The following CROCC2 variants were observed in gnomAD, a reference collection of about 807,000 sequenced individuals.
CROCC2 encodes the protein ciliary rootlet coiled-coil protein 2.
CROCC2 carries 163 observed loss-of-function variants against 177.6 expected under a neutral mutation model. That is an observed-to-expected ratio of 0.92 (90% CI 0.81 to 1.05). The LOEUF is 1.05. Ranked by LOEUF, CROCC2 falls within the 50% of genes least tolerant of loss-of-function variation. CROCC2 has a pLI of 0.00. For missense variants in CROCC2, 1,929 were observed against 1,797.8 expected (o/e 1.07, Z -1.32); for synonymous variants, 904 against 787.3 (o/e 1.15, Z -2.48).
chr2:240,937,490 A>AT (rs1381178907), intron 14 of CROCC2, among the ~76,000 whole-genome samples: 1 of 152,120 alleles, frequency 6.6e-6, no homozygotes, highest in Non-Finnish European at 1.5e-5. Context: ...TCTCAATGAT[A>AT]TTTTTTATGG....
At chr2:240,934,788 C>G in intron 12 of CROCC2, 128 bp from the exon 13 acceptor site, 1 of 1,075,808 alleles carries the variant, frequency 9.3e-7, no homozygotes, top group Non-Finnish European at 1.3e-6. Context: ...TGGCGACCTT[C>G]CCACCATGTC....
rs2059542914 is a variant in CROCC2 at position 240,949,784 on chromosome 2, C to T, written c.2652+82C>T. 3.6e-6 allele frequency: 5 copies of T among 1,383,184 alleles called. No individual in the cohort carries two copies. Among genetic ancestry groups the T allele is most frequent in the South Asian group, 2.8e-5 (2 of 71,366 alleles). 85.7% of individuals were successfully genotyped at this position (1,383,184 alleles called of 1,614,324 possible). A position where few individuals can be genotyped will look rare whatever the true frequency, so the allele number is the denominator to read the frequency against. On this transcript the variant is annotated intron_variant, in intron 17 of 31. Transcript: ENST00000690015. The surrounding 1 kb of genome is among the most constrained non-coding windows in gnomAD (Gnocchi z 4.5). ...ATGGCAGGCCCTTGGGAGGAGGGGG[C>T]CCTGGGAGACAGAGCTCAGAGACAT...
At position 240,933,163 on chromosome 2, in the gene CROCC2, A is replaced by G; in HGVS notation, c.1284A>G (p.Ala428=). ...ELCLQLKSSQ[A]LVASLQEQLS... is the part of the protein sequence containing the mutation. ...GCCTGCAGCTGAAGTCCTCCCAGGCACTGGTGGCCAGTCTCCAGGAGCAGC... is the reference window on the plus strand; with the variant it reads ...GCCTGCAGCTGAAGTCCTCCCAGGCGCTGGTGGCCAGTCTCCAGGAGCAGC... The change falls in exon 10 of 32, where the codon GCA becomes GCG. Residue 428 remains alanine, a synonymous_variant. Transcript: ENST00000690015. 6.5e-7 allele frequency: 1 copy of G among 1,550,034 alleles called. No individual in the cohort carries two copies. Among genetic ancestry groups the G allele is most frequent in the Non-Finnish European group, 8.7e-7 (1 of 1,146,790 alleles).
chr2:240,961,764 TCACA>T (rs149063486), intron 20 of CROCC2, among the ~76,000 whole-genome samples: 4 of 92,296 alleles, frequency 4.3e-5, no homozygotes, highest in East Asian at 3.5e-4. Context: ...GCACTGGCTC[TCACA>T]CACACACACT....
Position 240,925,854 on chromosome 2 carries a change from G to A in CROCC2, c.619G>A (p.Glu207Lys). Residue 207 changes from glutamate to lysine, a missense_variant, in exon 5 of 32, where the codon GAG becomes AAG. By Grantham distance (56) the Glu-to-Lys change is moderately conservative. This residue lies in a region of CROCC2 where 1,397 missense variants were observed against 1,239.9 expected (regional missense o/e 1.13). Transcript: ENST00000690015. ...GSVQRLQGEL[E>K]LRRWAQRQTR... is the part of the protein sequence containing the mutation. ...CGTGCAGCGCCTGCAGGGCGAGCTG[G>A]AGCTGAGGCGCTGGGCCCAGAGACA... The A allele has an allele frequency of 1.4e-6, 1 of 714,736 alleles. No individual in the cohort carries two copies. Among genetic ancestry groups the A allele is most frequent in the South Asian group, 1.5e-5 (1 of 67,404 alleles). The allele number at this position is 714,736 out of a possible 1,614,324, so 44.3% of individuals were successfully genotyped here. A position where few individuals can be genotyped will look rare whatever the true frequency, so the allele number is the denominator to read the frequency against.
rs1451590865 is a variant in CROCC2 at position 240,933,762 on chromosome 2, C to T, written c.1556C>T (p.Ala519Val). 3 of 1,549,662 alleles carry T rather than the reference C, an allele frequency of 1.9e-6. No homozygotes were observed. The African/African-American group carries it at 4.1e-5, about 21-fold the overall frequency. ...AAGCAGGGGCTGGAGGCCGAGGCTG[C>T]AGAGCTGCAGAGAAGCCTCCTGCTG... ...AEKQGLEAEA[A>V]ELQRSLLLQA... is the part of the protein sequence containing the mutation. Residue 519 changes from alanine to valine, a missense_variant, in exon 11 of 32, where the codon GCA becomes GTA. Ala to Val is a moderately conservative substitution (Grantham distance 64, BLOSUM62 0). Coordinates refer to ENST00000690015, the MANE Select transcript of CROCC2 (RefSeq NM_001351305.2).
chr2:240,934,584 GC>G, intron 12 of CROCC2, 109 bp downstream of exon 12: 3 of 1,164,790 alleles, frequency 2.6e-6, no homozygotes, highest in Non-Finnish European at 3.6e-6. Flanking sequence ...GGGCCCCTCA[GC>G]CCATCACCAG....
intron 1 of CROCC2, among the ~76,000 whole-genome samples, chr2:240,910,947 A>G (rs1016785382): frequency 2.0e-5 from 3 of 152,080 alleles, no homozygotes; most frequent in Non-Finnish European, 2.9e-5. Flanking sequence ...CCTGGCCAAC[A>G]TGGTGAAACC....
Position 240,965,508 on chromosome 2 carries a change from C to T in CROCC2, c.3593C>T (p.Ala1198Val). The change falls in exon 23 of 32, where the codon GCC becomes GTC. Residue 1198 changes from alanine to valine, a missense_variant. Ala to Val is a moderately conservative substitution (Grantham distance 64). Coordinates refer to ENST00000690015, the MANE Select transcript of CROCC2 (RefSeq NM_001351305.2). ...AAGGCAGAGGCCAAGCACGAGGGTG[C>T]CCGGAAGGAGGTGGGAGGGCTGCCT... ...AAKAEAKHEG[A>V]RKEVLGLQRK... 6.5e-7 allele frequency: 1 copy of T among 1,550,152 alleles called. No individual in the cohort carries two copies. The highest frequency in any genetic ancestry group is 1.4e-5 in the African/African-American group (1 of 73,140).
At chr2:240,933,997 G>A (rs1559596134) in intron 11 of CROCC2, 145 bp downstream of exon 11, 8 of 928,806 alleles carry the variant, frequency 8.6e-6, no homozygotes, top group South Asian at 3.4e-5. Context: ...GGCAGGGGCG[G>A]GGGCTCTCCA....
chr2:240,970,091 C>T (rs893429735), intron 27 of CROCC2, among the ~76,000 whole-genome samples: 1 of 152,176 alleles, frequency 6.6e-6, no homozygotes, highest in Non-Finnish European at 1.5e-5. Context: ...CACATTTGAT[C>T]CAGTTCCTGA....
At chr2:240,978,355 G>A (rs1196252684) in intron 27 of CROCC2, among the ~76,000 whole-genome samples, 2 of 41,176 alleles carry the variant, frequency 4.9e-5, no homozygotes, top group South Asian at 1.2e-3. Flanking sequence ...TCCCTGCTCA[G>A]TCTCTGGGGT....
intron 27 of CROCC2, among the ~76,000 whole-genome samples, chr2:240,969,875 C>A (rs1229417255): frequency 6.6e-6 from 1 of 151,910 alleles, no homozygotes; most frequent in Non-Finnish European, 1.5e-5. Flanking sequence ...GGATTACAGG[C>A]ACCCGCCAAT....
chr2:240,963,805 G>A, intron 21 of CROCC2, 32 bp downstream of exon 21: 1 of 1,538,836 alleles, frequency 6.5e-7, no homozygotes, highest in South Asian at 1.2e-5. Context: ...AGCTGGGGGT[G>A]CCCTGCAGCC....
At position 240,930,055 on chromosome 2, in the gene CROCC2, T is replaced by C. The variant is rs1242024653; in HGVS notation, c.646-111T>C. 11 of 519,530 alleles carry C rather than the reference T, an allele frequency of 2.1e-5. No individual in the cohort carries two copies. The Admixed American group carries it at 3.0e-4, about 14-fold the overall frequency. The allele number at this position is 519,530 out of a possible 1,614,324, so 32.2% of individuals were successfully genotyped here. A position where few individuals can be genotyped will look rare whatever the true frequency, so the allele number is the denominator to read the frequency against. On this transcript the variant is annotated intron_variant, in intron 5 of 31. Coordinates refer to ENST00000690015, the MANE Select transcript of CROCC2 (RefSeq NM_001351305.2). ...GTGAGATATGGGGGCTTTGGGATGC[T>C]GGGTCCACTTCCAGCCCCCATGGAG...
intron 28 of CROCC2, among the ~76,000 whole-genome samples, chr2:240,987,680 T>TCCTGGG (rs1326420520): frequency 6.6e-6 from 1 of 152,200 alleles, no homozygotes; most frequent in East Asian, 1.9e-4. Flanking sequence ...TGCTGCCCAA[T>TCCTGGG]CCTGGGCCAG....
At chr2:240,964,321 G>A in intron 21 of CROCC2, 145 bp from the exon 22 acceptor site, 1 of 981,524 alleles carries the variant, frequency 1.0e-6, no homozygotes, top group Non-Finnish European at 1.5e-6. Flanking sequence ...AGGTGACAGG[G>A]AACCCTGCAG....
At chr2:240,983,814 G>T in intron 28 of CROCC2, 1 of 338,924 alleles carries the variant, frequency 3.0e-6, no homozygotes, top group Non-Finnish European at 5.6e-6. Context: ...CAAATCCCCG[G>T]CTTTGTCTCC....
At position 240,982,899 on chromosome 2, in the gene CROCC2, G is replaced by A. The variant is rs774494550; in HGVS notation, c.4421G>A (p.Arg1474His). The change falls in exon 28 of 32, where the codon CGC becomes CAC. Residue 1474 changes from arginine (R) to histidine (H), a missense_variant. Physicochemically the swap from Arg to His is conservative, Grantham distance 29. This residue lies in a region of CROCC2 where 388 missense variants were observed against 352.7 expected (regional missense o/e 1.10). Transcript: ENST00000690015. This position sits in a 1 kb window ranked among gnomAD's most constrained non-coding sequence, Gnocchi z 4.7. ...CCCCAGGAGCAACTGGAAACGCTGC[G>A]CCAGGCTCTTGAAGAGAGCAGGAGG... is the stretch of plus-strand genomic sequence containing the variant. Reference protein sequence around the residue: ...RRLQEQLETLRQALEESRRHS... With the variant: ...RRLQEQLETLHQALEESRRHS... The A allele has an allele frequency of 3.1e-5, 48 of 1,549,256 alleles. No individual in the cohort carries two copies. Among genetic ancestry groups the A allele is most frequent in the South Asian group, 1.3e-4 (11 of 83,894 alleles).
Sources: gnomAD v4.1 joint callset for allele counts (sites outside exome capture counted in the v4.1 genomes callset) on GRCh38, gnomAD v4.1.1 for gene constraint, gnomAD v4.1.1 regional missense constraint, Gnocchi (gnomAD v3.1) non-coding constraint, MANE v1.5 for transcripts, NCBI Gene and HGNC (gene_info 2026-07-23, HGNC 2026-07-21) for gene names.